Variants in RERE observed in about 807,000 individuals in gnomAD.
The protein encoded by RERE is arginine-glutamic acid dipeptide repeats, also known as arginine-glutamic acid dipeptide repeats protein.
A neutral mutation model predicts 146.1 loss-of-function variants in RERE; 40 were observed. The ratio of observed to expected loss-of-function variants is 0.27; its 90% CI spans 0.21 to 0.36. RERE has a LOEUF of 0.36. RERE is among the 10% of genes least tolerant of loss of function. RERE has a pLI of 1.00. For missense variants in RERE, 1,933 were observed against 2,138.7 expected (o/e 0.90, Z 1.90); for synonymous variants, 1,003 against 866.0 (o/e 1.16, Z -2.78).
chr1:8,489,772 C>T (rs1229865342), intron 10 of RERE, among the ~76,000 whole-genome samples: 1 of 152,150 alleles, frequency 6.6e-6, no homozygotes, highest in Non-Finnish European at 1.5e-5. Flanking sequence ...ACCTGTAGGC[C>T]GGGCGCAGTG....
chr1:8,631,018 C>G (rs1465390812), intron 2 of RERE, among the ~76,000 whole-genome samples: 1 of 152,148 alleles, frequency 6.6e-6, no homozygotes, highest in Non-Finnish European at 1.5e-5. Flanking sequence ...AAACACAGAA[C>G]ACTAAATATT....
At chr1:8,514,519 C>T (rs1272710390) in intron 7 of RERE, among the ~76,000 whole-genome samples, 1 of 152,098 alleles carries the variant, frequency 6.6e-6, no homozygotes, top group Non-Finnish European at 1.5e-5. Flanking sequence ...CACCTGAGGT[C>T]AGGAGTTCGA....
rs1260409352 is a variant in RERE, at chr1:8,361,038, A to G, written c.2469T>C (p.His823=). Reference sequence around the variant, plus strand: ...ACCCAGTCAGAGGCTGCAGCGGGGGATGTGGCGAGGGATGCGGCGGGGGAT... The same window carrying G: ...ACCCAGTCAGAGGCTGCAGCGGGGGGTGTGGCGAGGGATGCGGCGGGGGAT... ...SPHPPPHPSP[H]PPLQPLTGSA... is the part of the protein sequence containing the mutation. The change falls in exon 18 of 23, where the codon CAT becomes CAC. Residue 823 remains histidine, a synonymous_variant. Transcript: ENST00000400908. The G allele has an allele frequency of 1.4e-6, 2 of 1,423,584 alleles. No homozygotes were observed. The highest frequency in any genetic ancestry group is 1.8e-6 in the Non-Finnish European group (2 of 1,094,320). The allele number at this position is 1,423,584 out of a possible 1,614,324, so 88.2% of individuals were successfully genotyped here.
intron 4 of RERE, among the ~76,000 whole-genome samples, chr1:8,563,937 G>T (rs1052862177): frequency 3.3e-5 from 5 of 152,142 alleles, no homozygotes; most frequent in Admixed American, 2.6e-4. Context: ...CTTTTAATTG[G>T]TAGTCAGACA....
chr1:8,699,587 A>T (rs1236734391), intron 1 of RERE, among the ~76,000 whole-genome samples: 2 of 152,202 alleles, frequency 1.3e-5, no homozygotes, highest in Non-Finnish European at 2.9e-5. Flanking sequence ...CTTACAAATG[A>T]ACTTGTGATA....
intron 6 of RERE, among the ~76,000 whole-genome samples, chr1:8,543,767 C>T (rs560969738): frequency 1.3e-5 from 2 of 152,308 alleles, no homozygotes; most frequent in South Asian, 4.1e-4. Context: ...CCAAATGTCT[C>T]CTGTGAGGGA....
intron 6 of RERE, among the ~76,000 whole-genome samples, chr1:8,550,350 G>A (rs1258669907): frequency 6.6e-6 from 1 of 152,186 alleles, no homozygotes; most frequent in Non-Finnish European, 1.5e-5. Flanking sequence ...AGGTTATGAT[G>A]TCTAATGAAG....
intron 4 of RERE, among the ~76,000 whole-genome samples, chr1:8,565,073 G>C (rs1283015253): frequency 1.3e-5 from 2 of 151,950 alleles, no homozygotes; most frequent in Non-Finnish European, 2.9e-5. Context: ...GCTGGGCAGT[G>C]GGGGGAATGG....
intron 4 of RERE, among the ~76,000 whole-genome samples, chr1:8,576,793 T>C (rs1230512582): frequency 1.3e-5 from 2 of 152,236 alleles, no homozygotes; most frequent in Non-Finnish European, 2.9e-5. Flanking sequence ...ACAATTGTGT[T>C]ATAGAAAGAG....
At chr1:8,441,974 C>T (rs1217376073) in intron 11 of RERE, among the ~76,000 whole-genome samples, 1 of 140,162 alleles carries the variant, frequency 7.1e-6, no homozygotes, top group Non-Finnish European at 1.6e-5. Context: ...AAAGGTCAAT[C>T]GGACACTGGA....
intron 1 of RERE, among the ~76,000 whole-genome samples, chr1:8,698,553 A>G (rs528024517): frequency 7.9e-5 from 12 of 152,370 alleles, no homozygotes; most frequent in African/African-American, 2.6e-4. Context: ...TCTTAAAACT[A>G]CAACTACAAA....
chr1:8,421,023 G>C lies in RERE; in HGVS notation c.1284+1704C>G, dbSNP rs139794686. 3.1e-3 allele frequency among the ~76,000 whole-genome samples: 474 copies of C among 152,312 alleles called. 1 individual carries two copies. The highest frequency in any genetic ancestry group is 4.9e-3 in the Non-Finnish European group (335 of 68,018). ...TTCCACTACGGAGATAAAACACTAA[G>C]TAAAATTACCGAGCATTTCCAAATG... On this transcript the variant is annotated intron_variant, in intron 12 of 22. Coordinates refer to ENST00000400908, the MANE Select transcript of RERE (RefSeq NM_001042681.2).
chr1:8,429,502 C>T (rs1644064209), intron 11 of RERE, among the ~76,000 whole-genome samples: 1 of 152,244 alleles, frequency 6.6e-6, no homozygotes, highest in Non-Finnish European at 1.5e-5. Flanking sequence ...ATTCTGGCGT[C>T]ATCCCAGGTG....
At chr1:8,714,606 A>G (rs1357997224) in intron 1 of RERE, among the ~76,000 whole-genome samples, 2 of 152,180 alleles carry the variant, frequency 1.3e-5, no homozygotes, top group East Asian at 3.9e-4. Flanking sequence ...AAGCCATGAA[A>G]AATGATCTGA....
intron 1 of RERE, chr1:8,806,839 T>C (rs1415241100): frequency 6.6e-6 from 1 of 152,140 alleles, no homozygotes; most frequent in African/African-American, 2.4e-5. Flanking sequence ...AATATGAGAG[T>C]ACAATGTGAC....
At chr1:8,705,976 C>A (rs926172919) in intron 1 of RERE, among the ~76,000 whole-genome samples, 202 of 151,786 alleles carry the variant, frequency 1.3e-3, no homozygotes, top group Non-Finnish European at 4.4e-5. Flanking sequence ...ATTAGCCGGG[C>A]GTGGTGGCGG....
chr1:8,456,159 G>A (rs1570269157), intron 11 of RERE, among the ~76,000 whole-genome samples: 1 of 152,090 alleles, frequency 6.6e-6, no homozygotes. Context: ...TCAAAGCCAG[G>A]GTATTTGACT....
chr1:8,567,871 T>G (rs1646171006), intron 4 of RERE, among the ~76,000 whole-genome samples: 1 of 152,162 alleles, frequency 6.6e-6, no homozygotes, highest in Non-Finnish European at 1.5e-5. Flanking sequence ...ACTTAGCAGA[T>G]AGGGACAGAC....
intron 7 of RERE, among the ~76,000 whole-genome samples, chr1:8,524,700 C>T (rs1645548519): frequency 6.6e-6 from 1 of 152,178 alleles, no homozygotes; most frequent in African/African-American, 2.4e-5. Context: ...TTAATATCTA[C>T]TTGGGTAAGA....
Sources: gnomAD v4.1 joint callset for allele counts (sites outside exome capture counted in the v4.1 genomes callset) on GRCh38, gnomAD v4.1.1 for gene constraint, MANE v1.5 for transcripts, NCBI Gene and HGNC (gene_info 2026-07-23, HGNC 2026-07-21) for gene names.